Variants in PDE8B observed in about 807,000 individuals in gnomAD.
PDE8B encodes the protein high affinity cAMP-specific and IBMX-insensitive 3',5'-cyclic phosphodiesterase 8B.
A neutral mutation model predicts 101.3 loss-of-function variants in PDE8B; 26 were observed. That is an observed-to-expected ratio of 0.26 (90% CI 0.19 to 0.36). The LOEUF is 0.36. Among genes scored for constraint, PDE8B ranks in the 10% least tolerant of loss-of-function variants. The pLI, the probability that PDE8B is intolerant of heterozygous loss-of-function variation, is 1.00. For missense variants in PDE8B, 810 were observed against 1,163.1 expected, an observed-to-expected ratio of 0.70 and a Z score of 4.42; for synonymous variants, 424 against 429.3, an observed-to-expected ratio of 0.99 and a Z score of 0.15.
intron 14 of PDE8B, chr5:77,410,848 A>G (rs901250210): frequency 2.6e-5 from 4 of 151,804 alleles, no homozygotes; most frequent in African/African-American, 9.7e-5. Flanking sequence ...ATTTAATTTT[A>G]TTATTATTAT....
At chr5:77,378,982 CAA>C (rs1786915499) in intron 10 of PDE8B, among the ~76,000 whole-genome samples, 1 of 148,780 alleles carries the variant, frequency 6.7e-6, no homozygotes, top group Admixed American at 6.7e-5. Context: ...AGAAACTAGA[CAA>C]GAGAAAAAAG....
chr5:77,336,058 G>A (rs542511534), intron 5 of PDE8B, among the ~76,000 whole-genome samples: 1 of 152,264 alleles, frequency 6.6e-6, no homozygotes, highest in South Asian at 2.1e-4. Flanking sequence ...CGGGACTTGA[G>A]CAGCTCATGC....
chr5:77,267,006 G>C (rs978732357), intron 1 of PDE8B, among the ~76,000 whole-genome samples: 5 of 151,984 alleles, frequency 3.3e-5, no homozygotes, highest in African/African-American at 1.2e-4. Context: ...GTGAGTTTTT[G>C]GATGTTAACA....
chr5:77,160,275 T>G, the PDE8B span, among the ~76,000 whole-genome samples: 4 of 152,224 alleles, frequency 2.6e-5, no homozygotes, highest in African/African-American at 4.8e-5. Flanking sequence ...TAATAAATTA[T>G]AGTAATCTCT....
At chr5:77,208,319 A>G (rs1320780130), upstream of PDE8B, among the ~76,000 whole-genome samples, 1 of 152,208 alleles carries the variant, frequency 6.6e-6, no homozygotes, top group Non-Finnish European at 1.5e-5. Context: ...GAGAATATGC[A>G]TGGCTGTAAA....
chr5:77,409,627 G>C (rs1794151077), intron 14 of PDE8B, among the ~76,000 whole-genome samples: 1 of 152,164 alleles, frequency 6.6e-6, no homozygotes, highest in African/African-American at 2.4e-5. Context: ...ACCACCAAGA[G>C]TAGCTGGTTT....
intron 10 of PDE8B, among the ~76,000 whole-genome samples, chr5:77,380,969 G>A (rs1787337386): frequency 6.6e-6 from 1 of 152,182 alleles, no homozygotes; most frequent in African/African-American, 2.4e-5. Context: ...GGAGCTGCAA[G>A]TACAAAGACT....
chr5:77,283,574 T>A (rs1481020511), intron 1 of PDE8B, among the ~76,000 whole-genome samples: 3 of 152,254 alleles, frequency 2.0e-5, no homozygotes, highest in Non-Finnish European at 4.4e-5. Context: ...ATGGTTGGAA[T>A]CATACAGTAT....
At chr5:77,411,571 G>T in intron 14 of PDE8B, 105 bp from the exon 15 acceptor site, 2 of 864,380 alleles carry the variant, frequency 2.3e-6, no homozygotes, top group Non-Finnish European at 3.8e-6. Context: ...CTTCCAGATT[G>T]GTTGGGTTAT....
intron 19 of PDE8B, among the ~76,000 whole-genome samples, chr5:77,420,603 G>GA (rs1337947957): frequency 1.3e-5 from 2 of 152,064 alleles, no homozygotes; most frequent in Admixed American, 1.3e-4. Context: ...GTAAGGAGAT[G>GA]AACTGTGTAG....
intron 1 of PDE8B, among the ~76,000 whole-genome samples, chr5:77,278,722 G>T (rs542672818): frequency 1.0e-3 from 154 of 152,158 alleles, no homozygotes; most frequent in African/African-American, 3.5e-3. Flanking sequence ...CCAAAGTGCT[G>T]GGATTACAGG....
intron 6 of PDE8B, among the ~76,000 whole-genome samples, chr5:77,342,161 C>T (rs1017849982): frequency 1.3e-5 from 2 of 152,088 alleles, no homozygotes; most frequent in Admixed American, 6.6e-5. Flanking sequence ...TTCACCAAAG[C>T]CTTTTGAAAG....
At chr5:77,283,294 C>T (rs1243310054) in intron 1 of PDE8B, among the ~76,000 whole-genome samples, 4 of 152,148 alleles carry the variant, frequency 2.6e-5, no homozygotes, top group African/African-American at 7.2e-5. Context: ...TCAACATCCC[C>T]CACCAGAGTG....
chr5:77,124,343 T>A, the PDE8B span, among the ~76,000 whole-genome samples: 1 of 152,048 alleles, frequency 6.6e-6, no homozygotes, highest in East Asian at 1.9e-4. Flanking sequence ...TAATACCAGC[T>A]CTCTGGGAGG....
intron 9 of PDE8B, among the ~76,000 whole-genome samples, chr5:77,352,036 T>C (rs1386069247): frequency 6.6e-6 from 1 of 152,226 alleles, no homozygotes; most frequent in Non-Finnish European, 1.5e-5. Flanking sequence ...TCAAAATTGC[T>C]CTCCCATCAA....
chr5:77,173,489 C>G, the PDE8B span, among the ~76,000 whole-genome samples: 1 of 151,964 alleles, frequency 6.6e-6, no homozygotes, highest in African/African-American at 2.4e-5. Context: ...TCAGGATATT[C>G]ATGTATTTAA....
At chr5:77,222,720 T>G (rs1158523787) in intron 1 of PDE8B, among the ~76,000 whole-genome samples, 1 of 151,760 alleles carries the variant, frequency 6.6e-6, no homozygotes, top group Admixed American at 6.6e-5. Flanking sequence ...GGGAATTGGG[T>G]TCTTCCAGGT....
chr5:77,325,463 C>T (rs1044267384), intron 2 of PDE8B, 76 bp from the exon 3 acceptor site: 12 of 1,352,810 alleles, frequency 8.9e-6, no homozygotes, highest in African/African-American at 1.4e-5. Flanking sequence ...GCCACTGCGC[C>T]TGGCCACTAG....
the PDE8B span, chr5:77,087,022 G>A: frequency 6.6e-6 from 1 of 152,250 alleles, no homozygotes. Context: ...CAGGGAGGCC[G>A]GCAGGGGCGT....
Sources: allele counts gnomAD v4.1 joint callset (sites outside exome capture counted in the v4.1 genomes callset), GRCh38; gene constraint gnomAD v4.1.1; transcripts MANE v1.5; gene names NCBI Gene and HGNC (gene_info 2026-07-23, HGNC 2026-07-21).